The following JDP2 variants were observed in gnomAD, a reference collection of about 807,000 sequenced individuals.
JDP2 encodes progesterone receptor co-activator.
In JDP2, 9 loss-of-function variants were observed where a neutral mutation model predicts 17.1. That is an observed-to-expected ratio of 0.53 (90% CI 0.32 to 0.92). JDP2 has a LOEUF of 0.92. JDP2 is among the 40% of genes least tolerant of loss of function. The pLI is 0.04. For synonymous variants in JDP2, 107 were observed against 95.6 expected (o/e 1.12, Z -0.69); for missense variants, 179 against 220.0 (o/e 0.81, Z 1.18).
rs148720420 is a variant in JDP2, at chr14:75,443,046, G to C, written c.201+4925G>C. 6.6e-5 allele frequency among the ~76,000 whole-genome samples: 10 copies of C among 152,222 alleles called. No individual in the cohort carries two copies. In the East Asian group the frequency reaches 1.9e-3, roughly 29 times the overall value. ...TGGAGAGGAGACTTAACTGTCTGTG[G>C]ATTTCACATTGGCGATTTCCCATCT... On this transcript the variant is annotated intron_variant, in intron 2 of 3. Coordinates refer to ENST00000651602, the MANE Select transcript of JDP2 (RefSeq NM_001135048.2).
chr14:75,454,696 G>C (rs558119628), intron 2 of JDP2, among the ~76,000 whole-genome samples: 2 of 152,320 alleles, frequency 1.3e-5, no homozygotes, highest in Admixed American at 6.5e-5. Flanking sequence ...ACAGGACAGG[G>C]CTTTTAGTTT....
intron 2 of JDP2, among the ~76,000 whole-genome samples, chr14:75,442,773 G>T (rs1422730298): frequency 2.6e-5 from 4 of 152,178 alleles, no homozygotes; most frequent in Admixed American, 2.0e-4. Context: ...GAATATCTGA[G>T]GGTAGAGTCC....
rs548959031 is a variant in JDP2, at chr14:75,439,017, C to T, written c.201+896C>T. On this transcript the variant is annotated intron_variant, in intron 2 of 3. Transcript: ENST00000651602. ...GGGGAAGAGGCTGGGATCGGGAGGG[C>T]GCAGGAAGCAGCTGAGCATCTGGGA... is the stretch of plus-strand genomic sequence containing the variant. Among the ~76,000 whole-genome samples, 1,034 of 152,188 alleles carry T rather than the reference C, an allele frequency of 6.8e-3. 9 individuals are homozygous for T. The highest frequency in any genetic ancestry group is 8.6e-3 in the Non-Finnish European group (584 of 68,012).
chr14:75,450,319 C>T (rs1204231957), intron 2 of JDP2, among the ~76,000 whole-genome samples: 1 of 152,206 alleles, frequency 6.6e-6, no homozygotes, highest in African/African-American at 2.4e-5. Flanking sequence ...ACACTCATTC[C>T]CCTTCTCTGA....
intron 1 of JDP2, among the ~76,000 whole-genome samples, chr14:75,433,855 G>A (rs1029309630): frequency 2.6e-5 from 4 of 152,106 alleles, no homozygotes; most frequent in African/African-American, 9.7e-5. Flanking sequence ...CAATGTTGGT[G>A]TTCTGCCAAT....
intron 3 of JDP2, among the ~76,000 whole-genome samples, chr14:75,468,513 CA>C (rs1429762863): frequency 6.6e-6 from 1 of 152,222 alleles, no homozygotes; most frequent in Non-Finnish European, 1.5e-5. Context: ...CTCCCATCTA[CA>C]CGATGGACAT....
chr14:75,437,439 C>T (rs1313566768), intron 1 of JDP2, among the ~76,000 whole-genome samples: 4 of 152,166 alleles, frequency 2.6e-5, no homozygotes, highest in East Asian at 3.9e-4. Flanking sequence ...GAGGTTCTGC[C>T]GTTATAATTC....
At chr14:75,435,563 T>C (rs1203375427) in intron 1 of JDP2, among the ~76,000 whole-genome samples, 1 of 152,166 alleles carries the variant, frequency 6.6e-6, no homozygotes, top group Non-Finnish European at 1.5e-5. Flanking sequence ...TGAGAAAGCT[T>C]TGGTCTAGAA....
In JDP2 at chr14:75,472,962, GTGCCACCTC is replaced by G. The variant is rs1401926740; in HGVS notation, c.*3492_*3500del. 6.6e-6 allele frequency: 1 copy of G among 152,218 alleles called. No individual in the cohort carries two copies. Among genetic ancestry groups the G allele is most frequent in the Admixed American group, 6.5e-5 (1 of 15,280 alleles). 9.4% of individuals were successfully genotyped at this position (152,218 alleles called of 1,614,324 possible). On this transcript the variant is annotated 3_prime_UTR_variant, in exon 4 of 4. Coordinates refer to ENST00000651602, the MANE Select transcript of JDP2 (RefSeq NM_001135048.2). ...TGCCAGGTGGTCACACATAAGACCT[GTGCCACCTC>G]TGCCCAGGGTTCCTATGAGAATCAA...
At chr14:75,435,807 G>T (rs1885039016) in intron 1 of JDP2, among the ~76,000 whole-genome samples, 1 of 152,178 alleles carries the variant, frequency 6.6e-6, no homozygotes, top group South Asian at 2.1e-4. Context: ...GATGTGAGTG[G>T]GAAGGAGTGC....
At chr14:75,465,618 C>T (rs1375845007) in intron 3 of JDP2, among the ~76,000 whole-genome samples, 2 of 152,206 alleles carry the variant, frequency 1.3e-5, no homozygotes, top group African/African-American at 4.8e-5. Flanking sequence ...GTGTGAGCCA[C>T]CATGCCCAGC....
intron 2 of JDP2, among the ~76,000 whole-genome samples, chr14:75,450,752 C>G (rs576473010): frequency 6.6e-6 from 1 of 152,224 alleles, no homozygotes; most frequent in Non-Finnish European, 1.5e-5. Context: ...GCCTCCCTTC[C>G]TCCCTAACCA....
At chr14:75,460,330 A>G (rs1886298139) in intron 2 of JDP2, among the ~76,000 whole-genome samples, 1 of 152,178 alleles carries the variant, frequency 6.6e-6, no homozygotes, top group South Asian at 2.1e-4. Context: ...GGGGGAAAGG[A>G]TTAAAGCCAG....
chr14:75,438,073 C>T lies in JDP2; in HGVS notation c.153C>T (p.His51=). 1 of 1,613,836 alleles carries T rather than the reference C, an allele frequency of 6.2e-7. No homozygotes were observed. The highest frequency in any genetic ancestry group is 8.5e-7 in the Non-Finnish European group (1 of 1,179,812). Residue 51 remains histidine, a synonymous_variant, in exon 2 of 4, where the codon CAC becomes CAT. Transcript: ENST00000651602. ...RNLGAMIAPL[H]FLEVKLGKRP... The stretch of plus-strand genomic sequence containing the variant: ...TCGGGGCCATGATTGCACCCTTGCA[C>T]TTCCTGGAGGTGAAACTGGGCAAGA...
At chr14:75,453,563 C>T (rs566796312) in intron 2 of JDP2, among the ~76,000 whole-genome samples, 1 of 152,386 alleles carries the variant, frequency 6.6e-6, no homozygotes, top group East Asian at 1.9e-4. Context: ...TCACGGAACT[C>T]TTCCTGTGCT....
rs1323070922 is a variant in JDP2, at chr14:75,469,366, T to A, written c.383T>A (p.Leu128His). The A allele has an allele frequency of 6.2e-7, 1 of 1,613,878 alleles. No individual in the cohort carries two copies. Among genetic ancestry groups the A allele is most frequent in the African/African-American group, 1.3e-5 (1 of 74,864 alleles). The change falls in exon 4 of 4, where the codon CTC (leucine) becomes CAC (histidine). Residue 128 changes from leucine to histidine, a missense_variant. Coordinates refer to ENST00000651602, the MANE Select transcript of JDP2 (RefSeq NM_001135048.2). ...IEELKQERQQ[L>H]ILMLNRHRPT... ...GAGCTGAAGCAGGAGCGGCAGCAGC[T>A]CATCCTGATGCTGAACCGACACCGC...
chr14:75,457,339 A>G (rs557724536), intron 2 of JDP2, among the ~76,000 whole-genome samples: 63 of 152,374 alleles, frequency 4.1e-4, no homozygotes, highest in African/African-American at 1.4e-3. Context: ...AGGAGCCCCA[A>G]GAAGGGCTGG....
At chr14:75,466,751 ACTC>A (rs1259183928) in intron 3 of JDP2, among the ~76,000 whole-genome samples, 1 of 151,160 alleles carries the variant, frequency 6.6e-6, no homozygotes, top group Non-Finnish European at 1.5e-5. Context: ...CCCAAAACAA[ACTC>A]CTCCTTTTCC....
At chr14:75,435,322 C>T (rs767597796) in intron 1 of JDP2, among the ~76,000 whole-genome samples, 2 of 152,302 alleles carry the variant, frequency 1.3e-5, no homozygotes, top group Middle Eastern at 3.4e-3. Flanking sequence ...CACCCACATG[C>T]GAGAGGTCTC....
Sources: gnomAD v4.1 joint callset for allele counts (sites outside exome capture counted in the v4.1 genomes callset) on GRCh38, gnomAD v4.1.1 for gene constraint, MANE v1.5 for transcripts, NCBI Gene and HGNC (gene_info 2026-07-23, HGNC 2026-07-21) for gene names.